The following ARAP2 variants were observed in gnomAD, a reference collection of about 807,000 sequenced individuals.
ARAP2 encodes the protein ArfGAP with RhoGAP domain, ankyrin repeat and PH domain 2.
A neutral mutation model predicts 194.5 loss-of-function variants in ARAP2; 148 were observed. The observed-to-expected ratio is 0.76, with a 90% CI of 0.67 to 0.87. The LOEUF is 0.87. Ranked by LOEUF, ARAP2 falls within the 40% of genes least tolerant of loss-of-function variation. ARAP2 has a pLI of 0.00. For synonymous variants in ARAP2, 695 were observed against 683.5 expected (o/e 1.02, Z -0.26); for missense variants, 2,128 against 1,989.7 (o/e 1.07, Z -1.32).
At chr4:36,113,442 TG>T (rs1001060387) in intron 26 of ARAP2, among the ~76,000 whole-genome samples, 1 of 151,978 alleles carries the variant, frequency 6.6e-6, no homozygotes, top group Non-Finnish European at 1.5e-5. Context: ...TAACACACTA[TG>T]GGGTATTTTA....
At chr4:36,230,815 C>CAT (rs1290138274) in intron 1 of ARAP2, among the ~76,000 whole-genome samples, 1 of 152,174 alleles carries the variant, frequency 6.6e-6, no homozygotes, top group Non-Finnish European at 1.5e-5. Flanking sequence ...TTGGACTCTG[C>CAT]ATATGCCACA....
intron 28 of ARAP2, 29 bp from the exon 29 acceptor site, chr4:36,083,479 A>G (rs1730093054): frequency 7.0e-7 from 1 of 1,436,368 alleles, no homozygotes; most frequent in Non-Finnish European, 9.5e-7. Context: ...ATTTGTAATT[A>G]AATGGATTTA....
intron 27 of ARAP2, among the ~76,000 whole-genome samples, chr4:36,093,775 C>T (rs1714412118): frequency 6.6e-6 from 1 of 152,148 alleles, no homozygotes; most frequent in Admixed American, 6.6e-5. Context: ...TATCCTCCTC[C>T]TTCCGTTTGG....
chr4:36,158,873 A>T lies in ARAP2; in HGVS notation c.2618-9T>A. On this transcript the variant is annotated splice_polypyrimidine_tract_variant and intron_variant, in intron 14 of 32. Coordinates refer to ENST00000303965, the MANE Select transcript of ARAP2 (RefSeq NM_015230.4). ...ATCATGTTGAGGGAAATCTAGAAAA[A>T]TTAAAGAAATAAGGCACAAGAAATC... 1.3e-6 allele frequency: 2 copies of T among 1,579,126 alleles called. No individual in the cohort carries two copies. Among genetic ancestry groups the T allele is most frequent in the Non-Finnish European group, 1.7e-6 (2 of 1,169,254 alleles).
chr4:36,027,290 C>A (rs1718081178), intron 5 of ARAP2, among the ~76,000 whole-genome samples: 1 of 152,018 alleles, frequency 6.6e-6, no homozygotes, highest in Admixed American at 6.6e-5. Context: ...ATTTCAAGGT[C>A]ATGCAGCTGG....
At chr4:36,225,869 C>T (rs1473372677) in intron 2 of ARAP2, among the ~76,000 whole-genome samples, 3 of 152,116 alleles carry the variant, frequency 2.0e-5, no homozygotes, top group African/African-American at 7.2e-5. Flanking sequence ...ATATCATTTG[C>T]AGGTTCAATA....
At chr4:36,154,801 T>G (rs1041323988) in intron 15 of ARAP2, among the ~76,000 whole-genome samples, 3 of 152,246 alleles carry the variant, frequency 2.0e-5, no homozygotes, top group Non-Finnish European at 4.4e-5. Context: ...TGACAAGTGC[T>G]GATGGAGTGG....
chr4:36,170,020 C>T (rs146860549), intron 9 of ARAP2, among the ~76,000 whole-genome samples: 2 of 152,306 alleles, frequency 1.3e-5, no homozygotes, highest in East Asian at 1.9e-4. Flanking sequence ...ATTATTTTCA[C>T]AGTATTTAAA....
At chr4:36,155,909 C>T (rs781618605) in intron 15 of ARAP2, among the ~76,000 whole-genome samples, 82 of 152,212 alleles carry the variant, frequency 5.4e-4, no homozygotes, top group Admixed American at 1.1e-3. Flanking sequence ...TTAGAAGACA[C>T]GGTCTTCCTA....
chr4:36,238,513 T>C (rs1752862769), intron 1 of ARAP2, among the ~76,000 whole-genome samples: 1 of 152,162 alleles, frequency 6.6e-6, no homozygotes, highest in African/African-American at 2.4e-5. Context: ...AGTAAAGAGG[T>C]AGCAAAGACT....
intron 23 of ARAP2, 41 bp downstream of exon 23, chr4:36,121,138 A>G: frequency 1.3e-6 from 2 of 1,484,526 alleles, no homozygotes; most frequent in Non-Finnish European, 1.8e-6. Context: ...AAACAGTGAC[A>G]TTATAACCAT....
At chr4:36,101,607 A>ATC (rs1560431825) in intron 27 of ARAP2, among the ~76,000 whole-genome samples, 1 of 151,966 alleles carries the variant, frequency 6.6e-6, no homozygotes, top group Non-Finnish European at 1.5e-5. Flanking sequence ...TTCAGTGATC[A>ATC]GATATGTTTT....
At chr4:36,141,414 C>T (rs184174314) in intron 19 of ARAP2, among the ~76,000 whole-genome samples, 1 of 151,542 alleles carries the variant, frequency 6.6e-6, no homozygotes, top group African/African-American at 2.4e-5. Context: ...ATCTGGAACA[C>T]CTTCTGTTTA....
intron 6 of ARAP2, among the ~76,000 whole-genome samples, chr4:36,203,791 T>C (rs1744957539): frequency 6.6e-6 from 1 of 152,126 alleles, no homozygotes; most frequent in Non-Finnish European, 1.5e-5. Context: ...TGCAGTATTT[T>C]ACTCTAAATT....
Position 36,067,782 on chromosome 4 carries a change from A to G in ARAP2, c.*125T>C. The G allele has an allele frequency of 9.7e-7, 1 of 1,027,808 alleles. No homozygotes were observed. The highest frequency in any genetic ancestry group is 2.6e-5 in the East Asian group (1 of 38,290). 63.7% of individuals were successfully genotyped at this position (1,027,808 alleles called of 1,614,324 possible). A position where few individuals can be genotyped will look rare whatever the true frequency, so the allele number is the denominator to read the frequency against. On this transcript the variant is annotated 3_prime_UTR_variant, in exon 33 of 33. Transcript: ENST00000303965. ...TTAAATGCTCCTTAAATGCCTAAGC[A>G]TAGACAAATTTGCCTATCAATAGGC...
Position 36,210,398 on chromosome 4 carries a change from A to G in ARAP2, c.1479T>C (p.Ser493=). The change falls in exon 6 of 33, where the codon TCT becomes TCC. Residue 493 remains serine, a synonymous_variant. Transcript: ENST00000303965. ...AATGCATACGTACATACCCTTGAGG[A>G]GAGAGTTTATCCAGCCATCCTGATT... ...KVKSGWLDKL[S]PQGKRMFQKR... The G allele has an allele frequency of 6.2e-7, 1 of 1,608,856 alleles. No individual in the cohort carries two copies. The highest frequency in any genetic ancestry group is 8.5e-7 in the Non-Finnish European group (1 of 1,177,824).
intron 10 of ARAP2, among the ~76,000 whole-genome samples, chr4:36,166,075 A>T (rs1735216760): frequency 6.6e-6 from 1 of 152,176 alleles, no homozygotes; most frequent in Non-Finnish European, 1.5e-5. Flanking sequence ...CTGCAAATGT[A>T]AAAATAAAGC....
chr4:36,052,154 C>G (rs1046358043), intron 2 of ARAP2: 1 of 152,004 alleles, frequency 6.6e-6, no homozygotes, highest in Non-Finnish European at 1.5e-5. Context: ...ATAGAAATAA[C>G]AAACAATAAA....
intron 2 of ARAP2, among the ~76,000 whole-genome samples, chr4:36,215,297 G>T (rs535214793): frequency 4.4e-4 from 67 of 152,152 alleles, no homozygotes; most frequent in Non-Finnish European, 8.5e-4. Context: ...CACATCTTTG[G>T]TCCATCGATT....
Sources: gnomAD v4.1 joint callset for allele counts (sites outside exome capture counted in the v4.1 genomes callset) on GRCh38, gnomAD v4.1.1 for gene constraint, MANE v1.5 for transcripts, NCBI Gene and HGNC (gene_info 2026-07-23, HGNC 2026-07-21) for gene names.